RNF115: variants seen among roughly 807,000 people sequenced by gnomAD.
RNF115 encodes the protein E3 ubiquitin-protein ligase RNF115.
RNF115 carries 31 observed loss-of-function variants against 39.2 expected under a neutral mutation model. The ratio of observed to expected loss-of-function variants is 0.79; its 90% CI spans 0.59 to 1.07. The LOEUF is 1.07. RNF115 is among the 50% of genes least tolerant of loss of function. The pLI, the probability that RNF115 is intolerant of heterozygous loss-of-function variation, is 0.00. For synonymous variants in RNF115, 124 were observed against 131.0 expected, an observed-to-expected ratio of 0.95 and a Z score of 0.37; for missense variants, 384 against 381.7, an observed-to-expected ratio of 1.01 and a Z score of -0.05.
chr1:145,805,877 C>T (rs1649437437), intron 1 of RNF115, among the ~76,000 whole-genome samples: 1 of 152,002 alleles, frequency 6.6e-6, no homozygotes, highest in South Asian at 2.1e-4. Context: ...TACTAGAATA[C>T]AATTTATATA....
intron 8 of RNF115, among the ~76,000 whole-genome samples, chr1:145,747,569 G>A: frequency 6.6e-6 from 1 of 152,254 alleles, no homozygotes; most frequent in Middle Eastern, 3.4e-3. Flanking sequence ...CTTGAAACCA[G>A]GAGGTAGAGG....
Position 145,744,782 on chromosome 1 carries a change from T to C in RNF115, c.*2084A>G, listed in dbSNP as rs587654150. ...GGTGCCCCTCTGTACCTTTTTTTGGTACACCAACAGTTGTTCTATGTCCCC... is the reference window on the plus strand; with the variant it reads ...GGTGCCCCTCTGTACCTTTTTTTGGCACACCAACAGTTGTTCTATGTCCCC... On this transcript the variant is annotated 3_prime_UTR_variant, in exon 9 of 9. Coordinates refer to ENST00000582693, the MANE Select transcript of RNF115 (RefSeq NM_014455.4). 1 of 152,206 alleles carries C rather than the reference T, an allele frequency of 6.6e-6. No individual in the cohort carries two copies. The highest frequency in any genetic ancestry group is 2.1e-4 in the South Asian group (1 of 4,824). The allele number at this position is 152,206 out of a possible 1,614,324, so 9.4% of individuals were successfully genotyped here.
At chr1:145,795,385 G>C (rs988316302) in intron 1 of RNF115, among the ~76,000 whole-genome samples, 2 of 152,014 alleles carry the variant, frequency 1.3e-5, no homozygotes, top group Non-Finnish European at 2.9e-5. Flanking sequence ...TGGCTGGTAC[G>C]GCCAGCTTTT....
intron 4 of RNF115, among the ~76,000 whole-genome samples, chr1:145,754,225 A>G (rs1261646245): frequency 6.6e-6 from 1 of 152,210 alleles, no homozygotes; most frequent in Non-Finnish European, 1.5e-5. Flanking sequence ...ATATTTTGAA[A>G]TATGTATGCA....
At chr1:145,788,312 C>T (rs1648485685) in intron 2 of RNF115, among the ~76,000 whole-genome samples, 1 of 152,140 alleles carries the variant, frequency 6.6e-6, no homozygotes, top group Non-Finnish European at 1.5e-5. Flanking sequence ...GAGCTCCTGA[C>T]CTCAGGTGAT....
At chr1:145,808,871 G>C (rs1224618560) in intron 1 of RNF115, among the ~76,000 whole-genome samples, 1 of 152,110 alleles carries the variant, frequency 6.6e-6, no homozygotes, top group Non-Finnish European at 1.5e-5. Flanking sequence ...ATAAGTTTGA[G>C]AGCAAAAATA....
intron 4 of RNF115, among the ~76,000 whole-genome samples, chr1:145,762,544 A>G (rs1658572829): frequency 6.6e-6 from 1 of 152,192 alleles, no homozygotes; most frequent in Admixed American, 6.5e-5. Context: ...AATCAATTCA[A>G]TTTCAATTAT....
intron 4 of RNF115, among the ~76,000 whole-genome samples, chr1:145,760,155 G>T (rs1658444969): frequency 6.6e-6 from 1 of 152,048 alleles, no homozygotes; most frequent in South Asian, 2.1e-4. Context: ...ACCTCTTATG[G>T]GGCCAGGCAG....
intron 4 of RNF115, among the ~76,000 whole-genome samples, chr1:145,766,597 G>A (rs1450584324): frequency 8.2e-5 from 12 of 147,186 alleles, no homozygotes; most frequent in Admixed American, 2.7e-4. Context: ...CTCACCTCCC[G>A]GACGGGGCGG....
chr1:145,802,052 T>C (rs1038063957), intron 1 of RNF115, among the ~76,000 whole-genome samples: 2 of 152,198 alleles, frequency 1.3e-5, no homozygotes, highest in African/African-American at 2.4e-5. Flanking sequence ...CCTCCCAAAG[T>C]GCTGGGATTA....
In RNF115 at chr1:145,788,977, A is replaced by T. The variant is rs1284300352; in HGVS notation, c.103-11T>A. 1.3e-6 allele frequency: 2 copies of T among 1,561,008 alleles called. No homozygotes were observed. The highest frequency in any genetic ancestry group is 1.7e-5 in the Admixed American group (1 of 59,006). On this transcript the variant is annotated splice_polypyrimidine_tract_variant and intron_variant, in intron 1 of 8. Transcript: ENST00000582693. ...GGGACATATATATTCCTATAAAAGA[A>T]AGGAAGAAACAAATAAAACTTTTTC...
At chr1:145,820,033 A>G (rs2488363) in intron 1 of RNF115, among the ~76,000 whole-genome samples, 49,162 of 109,922 alleles carry the variant, frequency 0.45, 10,433 homozygotes, top group East Asian at 0.67. Flanking sequence ...GCAAGACTCC[A>G]TCTCAAAAAA....
intron 3 of RNF115, among the ~76,000 whole-genome samples, chr1:145,775,376 A>G (rs587743042): frequency 6.6e-6 from 1 of 152,056 alleles, no homozygotes; most frequent in South Asian, 2.1e-4. Flanking sequence ...ATATAATAAT[A>G]AAAGTTTTGT....
chr1:145,803,959 G>A (rs1553721239), intron 1 of RNF115, among the ~76,000 whole-genome samples: 1 of 152,184 alleles, frequency 6.6e-6, no homozygotes, highest in Non-Finnish European at 1.5e-5. Context: ...GATTTATAGT[G>A]TTTTTGGCTT....
At position 145,746,854 on chromosome 1, in the gene RNF115, T is replaced by C; in HGVS notation, c.*12A>G. 6.2e-7 allele frequency: 1 copy of C among 1,613,602 alleles called. No individual in the cohort carries two copies. The highest frequency in any genetic ancestry group is 8.5e-7 in the Non-Finnish European group (1 of 1,179,648). On this transcript the variant is annotated 3_prime_UTR_variant, in exon 9 of 9. Transcript: ENST00000582693. ...GATTACCACAGCCCTGATTCAGGTG[T>C]GGTCTTTAGCTTCAGAAAGTCCATC...
chr1:145,761,959 T>A (rs985861830), intron 4 of RNF115, among the ~76,000 whole-genome samples: 1 of 152,192 alleles, frequency 6.6e-6, no homozygotes, highest in Admixed American at 6.5e-5. Flanking sequence ...GATGTGAGAC[T>A]TGGACTCAAA....
chr1:145,759,653 G>GC (rs1658427670), intron 4 of RNF115, among the ~76,000 whole-genome samples: 1 of 152,056 alleles, frequency 6.6e-6, no homozygotes, highest in African/African-American at 2.4e-5. Context: ...ACACCTCGCA[G>GC]CCCCCCATTC....
intron 2 of RNF115, chr1:145,787,055 C>G: frequency 7.8e-7 from 1 of 1,277,040 alleles, no homozygotes; most frequent in South Asian, 1.2e-5. Context: ...GGACCTTCAA[C>G]TTTAGATTCT....
intron 3 of RNF115, among the ~76,000 whole-genome samples, chr1:145,783,011 G>A (rs976170487): frequency 2.0e-5 from 3 of 152,082 alleles, no homozygotes; most frequent in African/African-American, 7.2e-5. Context: ...ACAGGCTCAT[G>A]CCACCATGCC....
Sources: gnomAD v4.1 joint callset for allele counts (sites outside exome capture counted in the v4.1 genomes callset) on GRCh38, gnomAD v4.1.1 for gene constraint, MANE v1.5 for transcripts, NCBI Gene and HGNC (gene_info 2026-07-23, HGNC 2026-07-21) for gene names.